DGCR2: variants seen among roughly 807,000 people sequenced by gnomAD.
The protein encoded by DGCR2 is DiGeorge syndrome critical region gene 2.
Under a neutral mutation model 51.6 loss-of-function variants are expected in DGCR2, and 24 were observed. The ratio of observed to expected loss-of-function variants is 0.47; its 90% CI spans 0.34 to 0.65. DGCR2 has a LOEUF of 0.65. Ranked by LOEUF, DGCR2 falls within the 30% of genes least tolerant of loss-of-function variation. The pLI is 0.01. For missense variants in DGCR2, 765 were observed against 772.1 expected, an observed-to-expected ratio of 0.99 and a Z score of 0.11; for synonymous variants, 340 against 315.4, an observed-to-expected ratio of 1.08 and a Z score of -0.82.
chr22:19,117,121 A>C (rs941490336), intron 1 of DGCR2, among the ~76,000 whole-genome samples: 1 of 152,176 alleles, frequency 6.6e-6, no homozygotes, highest in Admixed American at 6.5e-5. Context: ...ATCTGTGCGT[A>C]ACAAGATTAC....
chr22:19,096,278 T>C (rs2083138799), intron 1 of DGCR2, among the ~76,000 whole-genome samples: 1 of 152,196 alleles, frequency 6.6e-6, no homozygotes, highest in Non-Finnish European at 1.5e-5. Flanking sequence ...TTCTCATTCA[T>C]ATGTGGGAGC....
At chr22:19,051,469 G>A (rs998558342) in intron 6 of DGCR2, among the ~76,000 whole-genome samples, 2 of 152,160 alleles carry the variant, frequency 1.3e-5, no homozygotes, top group African/African-American at 4.8e-5. Flanking sequence ...CAGATCATTA[G>A]TTCACACCTG....
chr22:19,069,174 C>T (rs1166924447), intron 2 of DGCR2, among the ~76,000 whole-genome samples: 1 of 152,242 alleles, frequency 6.6e-6, no homozygotes, highest in East Asian at 1.9e-4. Context: ...CAGACAGACG[C>T]CTGCCAGCAA....
chr22:19,077,529 TATTCC>T (rs2082891593), intron 2 of DGCR2, among the ~76,000 whole-genome samples: 1 of 152,262 alleles, frequency 6.6e-6, no homozygotes, highest in Admixed American at 6.5e-5. Flanking sequence ...CTCTGTATTC[TATTCC>T]ATTGGTCTAT....
intron 2 of DGCR2, among the ~76,000 whole-genome samples, chr22:19,079,850 T>C (rs990526315): frequency 2.6e-5 from 4 of 152,262 alleles, no homozygotes; most frequent in African/African-American, 9.6e-5. Context: ...TGGTCTGGTG[T>C]GCTTTGTTCA....
At chr22:19,066,097 G>C (rs1179547478) in intron 3 of DGCR2, among the ~76,000 whole-genome samples, 2 of 152,194 alleles carry the variant, frequency 1.3e-5, no homozygotes, top group Non-Finnish European at 2.9e-5. Flanking sequence ...AAGCTCTTTA[G>C]GTGCAGACAA....
At chr22:19,115,271 G>A (rs532847857) in intron 1 of DGCR2, among the ~76,000 whole-genome samples, 40 of 152,306 alleles carry the variant, frequency 2.6e-4, no homozygotes, top group South Asian at 8.3e-4. Context: ...CCTCAGCACC[G>A]GCTTGCTGGG....
At chr22:19,121,297 T>A (rs1365723347) in intron 1 of DGCR2, among the ~76,000 whole-genome samples, 4 of 152,202 alleles carry the variant, frequency 2.6e-5, no homozygotes, top group Admixed American at 2.6e-4. Flanking sequence ...TTTTTTCTGC[T>A]GACTTTAAAA....
intron 6 of DGCR2, chr22:19,056,531 G>T: frequency 2.4e-6 from 1 of 418,098 alleles, no homozygotes. Flanking sequence ...TCCCCCAAAA[G>T]CAATAGAGTT....
chr22:19,106,375 T>C (rs1161859896), intron 1 of DGCR2, among the ~76,000 whole-genome samples: 1 of 152,112 alleles, frequency 6.6e-6, no homozygotes, highest in Non-Finnish European at 1.5e-5. Context: ...GCAGGAACCA[T>C]GGCCAGGGGT....
chr22:19,101,525 G>A (rs747347823), intron 1 of DGCR2, among the ~76,000 whole-genome samples: 1 of 151,736 alleles, frequency 6.6e-6, no homozygotes, highest in Admixed American at 6.6e-5. Flanking sequence ...CGGATCACCT[G>A]AGGTCAAGAG....
intron 5 of DGCR2, among the ~76,000 whole-genome samples, chr22:19,058,862 C>T (rs982802849): frequency 4.6e-5 from 7 of 152,218 alleles, no homozygotes; most frequent in African/African-American, 1.7e-4. Flanking sequence ...GGCCAGGGCC[C>T]AGAGAGCCAC....
At chr22:19,050,063 A>T (rs905765791) in intron 6 of DGCR2, among the ~76,000 whole-genome samples, 8 of 152,236 alleles carry the variant, frequency 5.3e-5, no homozygotes, top group East Asian at 1.9e-4. Context: ...AATTAGTCGA[A>T]GAACTAACAG....
At chr22:19,116,712 C>CT (rs996986422) in intron 1 of DGCR2, among the ~76,000 whole-genome samples, 15 of 152,176 alleles carry the variant, frequency 9.9e-5, no homozygotes, top group Admixed American at 9.8e-4. Flanking sequence ...ATGCATTCCA[C>CT]TTAGAGTCAA....
chr22:19,061,966 G>C (rs1368594181), intron 5 of DGCR2: 1 of 152,242 alleles, frequency 6.6e-6, no homozygotes, highest in Non-Finnish European at 1.5e-5. Context: ...AGCCCACCCA[G>C]GACCCTTGCC....
intron 2 of DGCR2, among the ~76,000 whole-genome samples, chr22:19,082,126 C>T (rs2145997152): frequency 6.7e-6 from 1 of 150,336 alleles, no homozygotes; most frequent in Middle Eastern, 3.4e-3. Context: ...CGGCTCACTG[C>T]AGCCTTGACC....
Position 19,062,779 on chromosome 22 carries a change from A to ATTCATTCTCT in DGCR2, c.625+422_625+423insAGAGAATGAA. ...TGCGCACACACACACATGCATGCTC[A>ATTCATTCTCT]CTCTCTCTCTCTCTCTCTCTCTCTC... On this transcript the variant is annotated intron_variant, in intron 5 of 9. Coordinates refer to ENST00000263196, the MANE Select transcript of DGCR2 (RefSeq NM_005137.3). 6.0e-4 allele frequency among the ~76,000 whole-genome samples: 76 copies of ATTCATTCTCT among 127,436 alleles called. 1 individual carries two copies. The highest frequency in any genetic ancestry group is 1.1e-3 in the Non-Finnish European group (63 of 55,390). The allele number at this position is 127,436 out of a possible 152,430, so 83.6% of individuals were successfully genotyped here.
rs2082705311 is a variant in DGCR2 at position 19,063,183 on chromosome 22, A to G, written c.625+19T>C. The G allele has an allele frequency of 6.2e-7, 1 of 1,613,226 alleles. No homozygotes were observed. The highest frequency in any genetic ancestry group is 8.5e-7 in the Non-Finnish European group (1 of 1,179,160). On this transcript the variant is annotated intron_variant, in intron 5 of 9. Transcript: ENST00000263196. Reference sequence around the variant, plus strand: ...ACTCTGCCCAGCTTCAAACACTCCCACACACCAGAAGGGCTCACCTTTGAA... The same window carrying G: ...ACTCTGCCCAGCTTCAAACACTCCCGCACACCAGAAGGGCTCACCTTTGAA...
intron 1 of DGCR2, among the ~76,000 whole-genome samples, chr22:19,094,393 C>G (rs1445270401): frequency 6.6e-6 from 1 of 152,198 alleles, no homozygotes. Context: ...CCACTGCACT[C>G]CAGTCTGGGC....
Sources: allele counts gnomAD v4.1 joint callset (sites outside exome capture counted in the v4.1 genomes callset), GRCh38; gene constraint gnomAD v4.1.1; transcripts MANE v1.5; gene names NCBI Gene and HGNC (gene_info 2026-07-23, HGNC 2026-07-21).